Variants in KCNJ3 observed in about 807,000 individuals in gnomAD.
KCNJ3 encodes potassium inwardly rectifying channel subfamily J member 3.
In KCNJ3, 4 loss-of-function variants were observed where a neutral mutation model predicts 39.2. That is an observed-to-expected ratio of 0.10 (90% CI 0.05 to 0.23). The LOEUF (loss-of-function observed/expected upper bound fraction) is 0.23. Ranked by LOEUF, KCNJ3 falls within the 10% of genes least tolerant of loss-of-function variation. The pLI is 1.00. For synonymous variants in KCNJ3, 230 were observed against 237.4 expected, an observed-to-expected ratio of 0.97 and a Z score of 0.29; for missense variants, 276 against 634.9, an observed-to-expected ratio of 0.43 and a Z score of 6.08.
intron 2 of KCNJ3, among the ~76,000 whole-genome samples, chr2:154,788,072 A>T (rs1686565707): frequency 1.3e-5 from 2 of 152,178 alleles, no homozygotes; most frequent in Non-Finnish European, 1.5e-5. Context: ...TATAAAATGC[A>T]TGAAAACTGA....
intron 2 of KCNJ3, among the ~76,000 whole-genome samples, chr2:154,770,640 T>G (rs1024177272): frequency 1.3e-5 from 2 of 152,116 alleles, no homozygotes; most frequent in African/African-American, 4.8e-5. Flanking sequence ...TTTGGAATTT[T>G]GAGAAGTACT....
intron 2 of KCNJ3, among the ~76,000 whole-genome samples, chr2:154,790,443 C>A (rs1403237631): frequency 6.6e-6 from 1 of 152,022 alleles, no homozygotes. Flanking sequence ...CTCTTACATA[C>A]TTATTCTGAA....
intron 2 of KCNJ3, among the ~76,000 whole-genome samples, chr2:154,746,432 C>T (rs1389162979): frequency 6.6e-6 from 1 of 151,376 alleles, no homozygotes; most frequent in Non-Finnish European, 1.5e-5. Context: ...CTTATAATAC[C>T]TAGTATAAAA....
intron 2 of KCNJ3, among the ~76,000 whole-genome samples, chr2:154,734,933 C>T (rs184124125): frequency 2.0e-5 from 3 of 152,244 alleles, no homozygotes; most frequent in Non-Finnish European, 4.4e-5. Context: ...CGGCAGAAAA[C>T]AGAGAAAAAG....
At chr2:154,809,292 G>C (rs1474618878) in intron 2 of KCNJ3, among the ~76,000 whole-genome samples, 1 of 152,094 alleles carries the variant, frequency 6.6e-6, no homozygotes, top group Non-Finnish European at 1.5e-5. Flanking sequence ...AGTCAGATAA[G>C]GAAAACCACC....
At chr2:154,736,702 T>C (rs981362043) in intron 2 of KCNJ3, among the ~76,000 whole-genome samples, 6 of 152,146 alleles carry the variant, frequency 3.9e-5, no homozygotes, top group African/African-American at 1.4e-4. Flanking sequence ...CCTTCAAAGA[T>C]GGAGTAACAG....
chr2:154,736,374 T>TAAAAAAAAAAAAAA (rs70983745), intron 2 of KCNJ3, among the ~76,000 whole-genome samples: 2 of 93,240 alleles, frequency 2.1e-5, no homozygotes, highest in Non-Finnish European at 4.3e-5. Flanking sequence ...TCACTAGTTC[T>TAAAAAAAAAAAAAA]AAAAAAAAAA....
intron 2 of KCNJ3, among the ~76,000 whole-genome samples, chr2:154,713,844 A>G (rs1264236595): frequency 6.6e-6 from 1 of 152,050 alleles, no homozygotes; most frequent in Non-Finnish European, 1.5e-5. Flanking sequence ...TTCTGCTGCT[A>G]TTTGGCAGTC....
At chr2:154,709,312 C>A in intron 1 of KCNJ3, 1 of 430,486 alleles carries the variant, frequency 2.3e-6, no homozygotes, top group Non-Finnish European at 4.3e-6. Context: ...CACTCAGTTC[C>A]ACAGTTTGTG....
chr2:154,769,519 A>G (rs1042362330), intron 2 of KCNJ3, among the ~76,000 whole-genome samples: 10 of 152,140 alleles, frequency 6.6e-5, no homozygotes, highest in East Asian at 5.8e-4. Flanking sequence ...CACCAGCCTT[A>G]CATCCCACGG....
chr2:154,716,198 G>T (rs1229912165), intron 2 of KCNJ3, among the ~76,000 whole-genome samples: 2 of 151,650 alleles, frequency 1.3e-5, no homozygotes, highest in Admixed American at 6.6e-5. Flanking sequence ...CTGGGTTCAT[G>T]CCGTGGGTTC....
intron 2 of KCNJ3, among the ~76,000 whole-genome samples, chr2:154,792,535 G>T (rs1282452864): frequency 6.6e-6 from 1 of 152,052 alleles, no homozygotes; most frequent in Non-Finnish European, 1.5e-5. Context: ...AGTGTGAATT[G>T]TCCTGCTACT....
chr2:154,840,920 T>TTTA (rs1304438920), intron 2 of KCNJ3, among the ~76,000 whole-genome samples: 1 of 152,170 alleles, frequency 6.6e-6, no homozygotes, highest in African/African-American at 2.4e-5. Context: ...CTGAATACCC[T>TTTA]TTATTTCTTT....
intron 2 of KCNJ3, among the ~76,000 whole-genome samples, chr2:154,796,118 A>C (rs966099004): frequency 6.6e-6 from 1 of 152,102 alleles, no homozygotes; most frequent in East Asian, 1.9e-4. Flanking sequence ...GTCTTAACGA[A>C]GGTTGGGATG....
At chr2:154,825,712 G>A (rs1346701507) in intron 2 of KCNJ3, among the ~76,000 whole-genome samples, 2 of 151,648 alleles carry the variant, frequency 1.3e-5, no homozygotes, top group Non-Finnish European at 2.9e-5. Context: ...AAATACCGGG[G>A]ACCACAGGCA....
At chr2:154,770,686 A>C (rs1164798073) in intron 2 of KCNJ3, among the ~76,000 whole-genome samples, 1 of 152,074 alleles carries the variant, frequency 6.6e-6, no homozygotes, top group Non-Finnish European at 1.5e-5. Context: ...ATCCATAAAG[A>C]TCCTCTAATT....
intron 2 of KCNJ3, among the ~76,000 whole-genome samples, chr2:154,774,889 C>A (rs1574457713): frequency 6.7e-6 from 1 of 149,340 alleles, no homozygotes; most frequent in Admixed American, 6.7e-5. Context: ...TTTATTTTTA[C>A]TAACTTTTCT....
chr2:154,704,131 A>C (rs1041524208), intron 1 of KCNJ3, among the ~76,000 whole-genome samples: 1 of 152,066 alleles, frequency 6.6e-6, no homozygotes, highest in Non-Finnish European at 1.5e-5. Context: ...ATTCTTTTTA[A>C]AATAGTGGTA....
rs74739007 is a variant in KCNJ3, at chr2:154,749,027, T to C, written c.919+39208T>C. Among the ~76,000 whole-genome samples, 287 of 152,276 alleles carry C rather than the reference T, an allele frequency of 1.9e-3. 5 individuals carry two copies. The East Asian group carries it at 0.029, about 15-fold the overall frequency. On this transcript the variant is annotated intron_variant, in intron 2 of 2. Transcript: ENST00000295101. ...CCAACATCAGCAGATATTATTCCCA[T>C]TTAATTTTTAAAAGTTACCAGATCT...
Sources: gnomAD v4.1 joint callset for allele counts (sites outside exome capture counted in the v4.1 genomes callset) on GRCh38, gnomAD v4.1.1 for gene constraint, MANE v1.5 for transcripts, NCBI Gene and HGNC (gene_info 2026-07-23, HGNC 2026-07-21) for gene names.